The following ENAH variants were observed in gnomAD, a reference collection of about 807,000 sequenced individuals.
ENAH encodes the protein ENAH actin regulator, also known as protein enabled homolog.
ENAH carries 23 observed loss-of-function variants against 78.7 expected under a neutral mutation model. The observed-to-expected ratio is 0.29, with a 90% CI of 0.21 to 0.41. The LOEUF is 0.41. Among genes scored for constraint, ENAH ranks in the 10% least tolerant of loss-of-function variants. The pLI, the probability that ENAH is intolerant of heterozygous loss-of-function variation, is 1.00. For missense variants in ENAH, 544 were observed against 691.0 expected, an observed-to-expected ratio of 0.79 and a Z score of 2.39; for synonymous variants, 226 against 241.0, an observed-to-expected ratio of 0.94 and a Z score of 0.58.
intron 1 of ENAH, among the ~76,000 whole-genome samples, chr1:225,636,446 T>C (rs1660073336): frequency 1.3e-5 from 2 of 152,258 alleles, no homozygotes; most frequent in South Asian, 2.1e-4. Flanking sequence ...TAAAATGTTA[T>C]ACCATGACAC....
At chr1:225,613,302 C>G (rs1308222526) in intron 1 of ENAH, among the ~76,000 whole-genome samples, 1 of 152,152 alleles carries the variant, frequency 6.6e-6, no homozygotes. Context: ...CACATTTTAT[C>G]TTTTTCACAC....
At chr1:225,538,554 C>T (rs1301317775) in intron 3 of ENAH, among the ~76,000 whole-genome samples, 1 of 151,398 alleles carries the variant, frequency 6.6e-6, no homozygotes, top group East Asian at 1.9e-4. Flanking sequence ...AAACATCTTC[C>T]CCCCCGCCTT....
At chr1:225,649,856 C>T (rs1662648104) in intron 1 of ENAH, among the ~76,000 whole-genome samples, 1 of 152,148 alleles carries the variant, frequency 6.6e-6, no homozygotes, top group Non-Finnish European at 1.5e-5. Context: ...TCATCATATC[C>T]TCTGTTCAGG....
At chr1:225,506,777 T>C (rs1182198263) in intron 11 of ENAH, among the ~76,000 whole-genome samples, 2 of 152,198 alleles carry the variant, frequency 1.3e-5, no homozygotes, top group Non-Finnish European at 2.9e-5. Flanking sequence ...CCAAATCTTC[T>C]TTCCTACTAG....
At chr1:225,607,926 TTAAAAA>T (rs2096965057) in intron 1 of ENAH, among the ~76,000 whole-genome samples, 2 of 152,164 alleles carry the variant, frequency 1.3e-5, no homozygotes, top group Admixed American at 1.3e-4. Context: ...CCAACTTGCT[TTAAAAA>T]TAAAAACTTT....
At chr1:225,590,566 A>AT (rs1379958937) in intron 1 of ENAH, among the ~76,000 whole-genome samples, 1 of 152,208 alleles carries the variant, frequency 6.6e-6, no homozygotes, top group Non-Finnish European at 1.5e-5. Context: ...GATATCATAC[A>AT]TACCTCAAAA....
At chr1:225,562,173 G>A (rs949400636) in intron 2 of ENAH, among the ~76,000 whole-genome samples, 27 of 151,944 alleles carry the variant, frequency 1.8e-4, no homozygotes, top group African/African-American at 5.3e-4. Context: ...CACTCACCTC[G>A]GCCTCCCAAA....
intron 2 of ENAH, among the ~76,000 whole-genome samples, chr1:225,557,488 G>A (rs2151439807): frequency 6.6e-6 from 1 of 152,192 alleles, no homozygotes; most frequent in Non-Finnish European, 1.5e-5. Flanking sequence ...TTTATTTTCT[G>A]ATTTTAGAAG....
chr1:225,502,523 C>T (rs2096288843), intron 11 of ENAH, among the ~76,000 whole-genome samples: 4 of 152,236 alleles, frequency 2.6e-5, no homozygotes, highest in Middle Eastern at 3.4e-3. Flanking sequence ...ATCTGCTTTA[C>T]TATCAAAACG....
intron 10 of ENAH, among the ~76,000 whole-genome samples, chr1:225,510,517 C>T (rs2096368262): frequency 6.6e-6 from 1 of 151,772 alleles, no homozygotes; most frequent in South Asian, 2.1e-4. Flanking sequence ...GGTCACAAAC[C>T]AGTGAATTTT....
At chr1:225,516,456 T>C (rs1279759093) in intron 6 of ENAH, among the ~76,000 whole-genome samples, 2 of 152,172 alleles carry the variant, frequency 1.3e-5, no homozygotes, top group South Asian at 2.1e-4. Context: ...GGATGACGTA[T>C]CTAATGACTA....
At chr1:225,632,771 G>A (rs74440476) in intron 1 of ENAH, among the ~76,000 whole-genome samples, 6,511 of 152,224 alleles carry the variant, frequency 0.043, 224 homozygotes, top group South Asian at 0.1. Context: ...AAGGAATGGC[G>A]CAGACGCCCC....
chr1:225,542,524 T>C (rs2096594595), intron 3 of ENAH, among the ~76,000 whole-genome samples: 1 of 152,238 alleles, frequency 6.6e-6, no homozygotes, highest in African/African-American at 2.4e-5. Flanking sequence ...TCTCTCTGCG[T>C]GACAATTCCT....
At chr1:225,498,229 AC>A (rs2096260577) in intron 13 of ENAH, 117 bp downstream of exon 13, 1 of 768,030 alleles carries the variant, frequency 1.3e-6, no homozygotes, top group South Asian at 1.7e-5. Flanking sequence ...AAAGGGCAGG[AC>A]TATGGAAGTC....
At chr1:225,538,832 G>T (rs939844935) in intron 3 of ENAH, among the ~76,000 whole-genome samples, 1 of 152,170 alleles carries the variant, frequency 6.6e-6, no homozygotes, top group African/African-American at 2.4e-5. Flanking sequence ...TCTAGCTAAA[G>T]ACACTTGAAG....
chr1:225,575,364 T>C (rs2096783440), intron 1 of ENAH, among the ~76,000 whole-genome samples: 1 of 152,218 alleles, frequency 6.6e-6, no homozygotes, highest in Non-Finnish European at 1.5e-5. Flanking sequence ...TAAAATCTGA[T>C]CATGCCACTC....
At chr1:225,501,225 T>C (rs1017668164) in intron 11 of ENAH, 155 bp from the exon 12 acceptor site, 1 of 535,360 alleles carries the variant, frequency 1.9e-6, no homozygotes. Context: ...TAGGGCTGAT[T>C]AGAACATAAA....
chr1:225,541,156 C>T (rs545596664), intron 3 of ENAH, among the ~76,000 whole-genome samples: 276 of 152,180 alleles, frequency 1.8e-3, no homozygotes, highest in African/African-American at 6.5e-3. Flanking sequence ...TAAAATTGGC[C>T]GGGCACGGTG....
rs79222331 is a variant in ENAH, at chr1:225,627,512, C to T, written c.5+25174G>A. ...AGCTTAAAATCACTGCAAAGTGGCT[C>T]GAGGCCAGAATGGTCAACTGTGCTG... On this transcript the variant is annotated intron_variant, in intron 1 of 13. Coordinates refer to ENST00000366843, the MANE Select transcript of ENAH (RefSeq NM_018212.6). 6.8e-3 allele frequency among the ~76,000 whole-genome samples: 1,033 copies of T among 152,268 alleles called. 13 individuals are homozygous for T. The highest frequency in any genetic ancestry group is 0.024 in the African/African-American group (996 of 41,532).
Sources: allele counts gnomAD v4.1 joint callset (sites outside exome capture counted in the v4.1 genomes callset), GRCh38; gene constraint gnomAD v4.1.1; transcripts MANE v1.5; gene names NCBI Gene and HGNC (gene_info 2026-07-23, HGNC 2026-07-21).